TAC1: variants seen among roughly 807,000 people sequenced by gnomAD.
TAC1 encodes the protein tachykinin precursor 1, also known as protachykinin-1.
A neutral mutation model predicts 21.7 loss-of-function variants in TAC1; 12 were observed. That is an observed-to-expected ratio of 0.55 (90% CI 0.35 to 0.89). The LOEUF is 0.89. Ranked by LOEUF, TAC1 falls within the 40% of genes least tolerant of loss-of-function variation. TAC1 has a pLI of 0.01. For synonymous variants in TAC1, 52 were observed against 52.0 expected (o/e 1.00, Z 0.00); for missense variants, 128 against 151.4 (o/e 0.85, Z 0.81).
At chr7:97,736,277 AC>A (rs1562784930) in intron 5 of TAC1, 21 bp from the exon 6 acceptor site, 1 of 1,598,384 alleles carries the variant, frequency 6.3e-7, no homozygotes, top group East Asian at 2.2e-5. Context: ...ATATTAAAAT[AC>A]CCCTAAATGT....
chr7:97,733,892 A>G lies in TAC1; in HGVS notation c.220+73A>G. 2.1e-6 allele frequency: 3 copies of G among 1,419,484 alleles called. No individual in the cohort carries two copies. In the South Asian group the frequency reaches 3.5e-5, roughly 17 times the overall value. 87.9% of individuals were successfully genotyped at this position (1,419,484 alleles called of 1,614,324 possible). A position where few individuals can be genotyped will look rare whatever the true frequency, so the allele number is the denominator to read the frequency against. ...TGCTCACTCCTTCCTGGAGTACCCC[A>G]GGGTCTCTCGCTCTGAATAGAGATT... On this transcript the variant is annotated intron_variant, in intron 3 of 6. Coordinates refer to ENST00000319273, the MANE Select transcript of TAC1 (RefSeq NM_003182.3).
chr7:97,739,612 T>C (rs758599465), intron 6 of TAC1, among the ~76,000 whole-genome samples: 2 of 152,048 alleles, frequency 1.3e-5, no homozygotes, highest in Non-Finnish European at 2.9e-5. Context: ...AACACTGCAA[T>C]ATATTGTGGA....
chr7:97,739,180 T>A (rs949995936), intron 6 of TAC1, among the ~76,000 whole-genome samples: 58 of 152,064 alleles, frequency 3.8e-4, no homozygotes, highest in African/African-American at 1.3e-3. Flanking sequence ...GACTTACCTA[T>A]GGTAAATGGG....
intron 6 of TAC1, among the ~76,000 whole-genome samples, chr7:97,739,437 C>G (rs1510300): frequency 0.24 from 36,296 of 151,920 alleles, 4,926 homozygotes; most frequent in African/African-American, 0.36. Flanking sequence ...CTATAAACCT[C>G]TTTACAAGAA....
In TAC1 at chr7:97,734,716, T is replaced by C. The variant is rs1377017609; in HGVS notation, c.266-110T>C. ...CTGCTTTATTCCTCAGGATAATATA[T>C]AGATAGAAAATGTTACATATTTTGA... On this transcript the variant is annotated intron_variant, in intron 4 of 6. Coordinates refer to ENST00000319273, the MANE Select transcript of TAC1 (RefSeq NM_003182.3). 8.5e-6 allele frequency: 7 copies of C among 820,556 alleles called. No individual in the cohort carries two copies. The East Asian group carries it at 1.9e-4, about 22-fold the overall frequency. 50.8% of individuals were successfully genotyped at this position (820,556 alleles called of 1,614,324 possible). A position where few individuals can be genotyped will look rare whatever the true frequency, so the allele number is the denominator to read the frequency against.
rs367886613 is a variant in TAC1, at chr7:97,739,915, C to T, written c.385C>T (p.Arg129Cys). The T allele has an allele frequency of 2.9e-5, 47 of 1,600,412 alleles. No individual in the cohort carries two copies. Among genetic ancestry groups the T allele is most frequent in the East Asian group, 6.8e-5 (3 of 44,376 alleles). Reference sequence around the variant, plus strand: ...TGCAATGCAGAATTATGAAAGAAGACGTTAATAAACTACCTAACATTATTT... The same window carrying T: ...TGCAATGCAGAATTATGAAAGAAGATGTTAATAAACTACCTAACATTATTT... ...RSAMQNYERR[R>C] is the part of the protein sequence containing the mutation. Residue 129 changes from arginine to cysteine, a missense_variant, in exon 7 of 7, where the codon CGT (arginine) becomes TGT (cysteine). Coordinates refer to ENST00000319273, the MANE Select transcript of TAC1 (RefSeq NM_003182.3).
chr7:97,734,659 T>G (rs1385377499), intron 4 of TAC1, among the ~76,000 whole-genome samples, 167 bp from the exon 5 acceptor site: 1 of 152,218 alleles, frequency 6.6e-6, no homozygotes, highest in African/African-American at 2.4e-5. Flanking sequence ...ATTTAGTTTT[T>G]ATGATTAATA....
Position 97,732,866 on chromosome 7 carries a change from G to C in TAC1, c.123+131G>C, listed in dbSNP as rs1789467162. 25 of 1,245,308 alleles carry C rather than the reference G, an allele frequency of 2.0e-5. No individual in the cohort carries two copies. The highest frequency in any genetic ancestry group is 2.5e-5 in the Non-Finnish European group (23 of 911,802). The allele number at this position is 1,245,308 out of a possible 1,614,324, so 77.1% of individuals were successfully genotyped here. On this transcript the variant is annotated intron_variant, in intron 2 of 6. Coordinates refer to ENST00000319273, the MANE Select transcript of TAC1 (RefSeq NM_003182.3). The surrounding 1 kb of genome is among the most constrained non-coding windows in gnomAD (Gnocchi z 6.2). ...GGAAAGAGGCAGCGGTTGCGTGCGAGAGGATGGAAAGGGGCACTATTTCCC... is the reference window on the plus strand; with the variant it reads ...GGAAAGAGGCAGCGGTTGCGTGCGACAGGATGGAAAGGGGCACTATTTCCC...
intron 6 of TAC1, among the ~76,000 whole-genome samples, chr7:97,739,433 A>G (rs1159296878): frequency 1.3e-5 from 2 of 151,966 alleles, no homozygotes; most frequent in East Asian, 3.9e-4. Flanking sequence ...ATTCCTATAA[A>G]CCTCTTTACA....
chr7:97,733,853 C>T lies in TAC1; in HGVS notation c.220+34C>T, dbSNP rs756883577. On this transcript the variant is annotated intron_variant, in intron 3 of 6. Transcript: ENST00000319273. ...GGCGACCGTCCCTAGGTGTCTTGGG[C>T]AGCCCGCCCTGTCTGCTCACTCCTT... 35 of 1,598,512 alleles carry T rather than the reference C, an allele frequency of 2.2e-5. No homozygotes were observed. In the East Asian group the frequency reaches 6.9e-4, roughly 32 times the overall value.
intron 2 of TAC1, chr7:97,733,146 C>T: frequency 5.4e-6 from 1 of 185,598 alleles, no homozygotes; most frequent in Non-Finnish European, 1.1e-5. Context: ...CACGCGCGAG[C>T]TGCAGGGGGA....
intron 6 of TAC1, among the ~76,000 whole-genome samples, chr7:97,739,585 G>A (rs1206081016): frequency 6.6e-6 from 1 of 151,974 alleles, no homozygotes; most frequent in East Asian, 1.9e-4. Context: ...CACTGCTTGA[G>A]AAAGCTGCTG....
At position 97,736,303 on chromosome 7, in the gene TAC1, T is replaced by C. The variant is rs142031557; in HGVS notation, c.294T>C (p.His98=). 416 of 1,611,224 alleles carry C rather than the reference T, an allele frequency of 2.6e-4. No individual in the cohort carries two copies. Among genetic ancestry groups the C allele is most frequent in the Middle Eastern group, 2.5e-3 (15 of 6,068 alleles). Residue 98 remains histidine, a synonymous_variant, in exon 6 of 7, where the codon CAT becomes CAC. Transcript: ENST00000319273. ...YGHGQISHKR[H]KTDSFVGLMG... ...CCCCTAAATGTATTTTTCCAGGACATAAAACAGATTCCTTTGTTGGACTAA... is the reference window on the plus strand; with the variant it reads ...CCCCTAAATGTATTTTTCCAGGACACAAAACAGATTCCTTTGTTGGACTAA...
chr7:97,739,855 A>G lies in TAC1; in HGVS notation c.344-19A>G. 6.3e-7 allele frequency: 1 copy of G among 1,599,196 alleles called. No individual in the cohort carries two copies. ...AGTGAATTCACTTAAAAAACACTTT[A>G]TCTCTTCTTTGTTTTCAGTGGCTTA... On this transcript the variant is annotated intron_variant, in intron 6 of 6. Transcript: ENST00000319273.
chr7:97,735,812 G>T (rs916771951), intron 5 of TAC1, among the ~76,000 whole-genome samples: 1 of 152,054 alleles, frequency 6.6e-6, no homozygotes, highest in African/African-American at 2.4e-5. Context: ...TCTGAAAGGA[G>T]TATCTTTTAA....
chr7:97,732,971 G>A lies in TAC1; in HGVS notation c.123+236G>A. 1 of 489,020 alleles carries A rather than the reference G, an allele frequency of 2.0e-6. No homozygotes were observed. The highest frequency in any genetic ancestry group is 3.1e-5 in the South Asian group (1 of 31,934). The allele number at this position is 489,020 out of a possible 1,614,324, so 30.3% of individuals were successfully genotyped here. On this transcript the variant is annotated intron_variant, in intron 2 of 6. Transcript: ENST00000319273. The surrounding 1 kb of genome is among the most constrained non-coding windows in gnomAD (Gnocchi z 6.2). Reference sequence around the variant, plus strand: ...CCGTCCGGCCCAGGAACTCCCTGCAGTAGGGATGCCCTCCCGGATGAGCCC... The same window carrying A: ...CCGTCCGGCCCAGGAACTCCCTGCAATAGGGATGCCCTCCCGGATGAGCCC...
In TAC1 at chr7:97,740,171, G is replaced by A. The variant is rs1041695095; in HGVS notation, c.*251G>A. ...ACAAAGCACAGTGTTAAATGAAATT[G>A]TAAAACCTGTCAATGATACAGTCCC... On this transcript the variant is annotated 3_prime_UTR_variant, in exon 7 of 7. Transcript: ENST00000319273. The A allele has an allele frequency of 2.1e-5, 6 of 282,784 alleles. No homozygotes were observed. The highest frequency in any genetic ancestry group is 3.9e-5 in the Non-Finnish European group (6 of 152,100). The allele number at this position is 282,784 out of a possible 1,614,324, so 17.5% of individuals were successfully genotyped here.
Position 97,733,833 on chromosome 7 carries a change from C to A in TAC1, c.220+14C>A. The stretch of plus-strand genomic sequence containing the variant: ...AACGGGATGCTGGTGAGATAGGCGA[C>A]CGTCCCTAGGTGTCTTGGGCAGCCC... On this transcript the variant is annotated intron_variant, in intron 3 of 6. Coordinates refer to ENST00000319273, the MANE Select transcript of TAC1 (RefSeq NM_003182.3). 1 of 1,613,668 alleles carries A rather than the reference C, an allele frequency of 6.2e-7. No individual in the cohort carries two copies. The highest frequency in any genetic ancestry group is 8.5e-7 in the Non-Finnish European group (1 of 1,179,592).
intron 6 of TAC1, among the ~76,000 whole-genome samples, chr7:97,738,854 A>T (rs1437920385): frequency 6.6e-6 from 1 of 151,976 alleles, no homozygotes; most frequent in Non-Finnish European, 1.5e-5. Context: ...CTGAATTTCA[A>T]AAAGCATAGT....
Sources: allele counts gnomAD v4.1 joint callset (sites outside exome capture counted in the v4.1 genomes callset), GRCh38; gene constraint gnomAD v4.1.1; non-coding constraint Gnocchi (gnomAD v3.1); transcripts MANE v1.5; gene names NCBI Gene and HGNC (gene_info 2026-07-23, HGNC 2026-07-21).